Variants in NPHS1 observed in about 807,000 individuals in gnomAD.
The protein encoded by NPHS1 is NPHS1 adhesion molecule, nephrin, also known as nephrin.
A neutral mutation model predicts 139.7 loss-of-function variants in NPHS1; 107 were observed. That is an observed-to-expected ratio of 0.77 (90% CI 0.66 to 0.90). The LOEUF (loss-of-function observed/expected upper bound fraction) is 0.90. Ranked by LOEUF, NPHS1 falls within the 40% of genes least tolerant of loss-of-function variation. The probability of loss-of-function intolerance (pLI) is 0.00; values close to 1 mark genes in which losing one functional copy is unlikely to be tolerated. For synonymous variants in NPHS1, 707 were observed against 706.6 expected (o/e 1.00, Z -0.01); for missense variants, 1,580 against 1,654.2 (o/e 0.96, Z 0.78).
intron 9 of NPHS1, 23 bp from the exon 10 acceptor site, chr19:35,848,420 C>A (rs773004829): frequency 1.2e-6 from 2 of 1,614,072 alleles, no homozygotes; most frequent in Admixed American, 1.7e-5. Flanking sequence ...GAGCTTCAGA[C>A]GTGGGGACTG....
chr19:35,833,737 C>T (rs1972915117), intron 23 of NPHS1, among the ~76,000 whole-genome samples: 3 of 152,036 alleles, frequency 2.0e-5, no homozygotes, highest in Non-Finnish European at 2.9e-5. Context: ...AACTCTGTTG[C>T]CCAGGCTGCA....
At chr19:35,851,217 G>A in intron 3 of NPHS1, 45 bp downstream of exon 3, 2 of 1,613,574 alleles carry the variant, frequency 1.2e-6, no homozygotes, top group Non-Finnish European at 1.7e-6. Flanking sequence ...GTAGGGGAGG[G>A]CTTGAAGCCC....
At chr19:35,836,590 G>A (rs1164997529) in intron 22 of NPHS1, among the ~76,000 whole-genome samples, 3 of 152,108 alleles carry the variant, frequency 2.0e-5, no homozygotes, top group African/African-American at 7.2e-5. Flanking sequence ...AGTGTTCAAA[G>A]GGAAGACTGG....
intron 23 of NPHS1, among the ~76,000 whole-genome samples, chr19:35,832,290 TC>T (rs1235734821): frequency 1.3e-5 from 2 of 152,172 alleles, no homozygotes; most frequent in African/African-American, 4.8e-5. Context: ...ATGCCTGTAA[TC>T]CCAGCATGTT....
Position 35,848,441 on chromosome 19 carries a change from A to G in NPHS1, c.1171-44T>C, listed in dbSNP as rs751550128. 1.4e-5 allele frequency: 23 copies of G among 1,613,308 alleles called. No individual in the cohort carries two copies. In the Admixed American group the frequency reaches 3.5e-4, roughly 25 times the overall value. On this transcript the variant is annotated intron_variant, in intron 9 of 28. Transcript: ENST00000378910. ...CAGACGTGGGGACTGCAGCACCCCT[A>G]TCCATCGTGCTAGAGGCCTGAGTCC...
intron 5 of NPHS1, 42 bp downstream of exon 5, chr19:35,850,322 A>C (rs2146829864): frequency 1.3e-6 from 2 of 1,545,600 alleles, no homozygotes; most frequent in Non-Finnish European, 1.8e-6. Flanking sequence ...CCCATGGGGA[A>C]AATTAGGGGT....
intron 23 of NPHS1, among the ~76,000 whole-genome samples, chr19:35,835,428 T>C (rs1226784102): frequency 2.0e-5 from 3 of 150,248 alleles, no homozygotes; most frequent in Non-Finnish European, 4.4e-5. Context: ...GCCTTCTGAG[T>C]AGTTGGGACT....
At chr19:35,826,878 A>G (rs780444502) in intron 28 of NPHS1, among the ~76,000 whole-genome samples, 2 of 152,238 alleles carry the variant, frequency 1.3e-5, no homozygotes, top group Admixed American at 1.3e-4. Flanking sequence ...GCTCATGCCT[A>G]TAATTCCAGC....
intron 23 of NPHS1, among the ~76,000 whole-genome samples, chr19:35,832,551 A>G (rs1444305079): frequency 2.6e-5 from 4 of 150,962 alleles, no homozygotes; most frequent in Non-Finnish European, 5.9e-5. Flanking sequence ...CTCTGAAAAA[A>G]AAATCCCATC....
At chr19:35,841,146 A>G (rs1973049971) in intron 20 of NPHS1, among the ~76,000 whole-genome samples, 1 of 150,788 alleles carries the variant, frequency 6.6e-6, no homozygotes, top group Admixed American at 6.6e-5. Context: ...TGGGAGGCTG[A>G]GGCGGGCAGA....
intron 4 of NPHS1, among the ~76,000 whole-genome samples, 192 bp downstream of exon 4, chr19:35,850,769 C>T (rs575528656): frequency 8.5e-5 from 13 of 152,290 alleles, no homozygotes; most frequent in African/African-American, 2.9e-4. Flanking sequence ...TGGTTGCTGC[C>T]GCCCTCGATG....
chr19:35,828,327 G>A (rs1025766054), intron 28 of NPHS1, among the ~76,000 whole-genome samples: 10 of 151,756 alleles, frequency 6.6e-5, no homozygotes, highest in Admixed American at 5.3e-4. Flanking sequence ...GTGCAGTGGC[G>A]CAATCTTGGC....
Position 35,831,317 on chromosome 19 carries a change from C to T in NPHS1, c.3366G>A (p.Glu1122=), listed in dbSNP as rs1972878517. Residue 1122 remains glutamate (E), a synonymous_variant, in exon 26 of 29, where the codon GAG becomes GAA. Transcript: ENST00000378910. ...NEYEESQWTG[E]RDTQSSTVST... Reference sequence around the variant, plus strand: ...TTACCGTGGAGCTCTGAGTGTCCCGCTCTCCTGTCCACTGGCTCTCCTCAT... The same window carrying T: ...TTACCGTGGAGCTCTGAGTGTCCCGTTCTCCTGTCCACTGGCTCTCCTCAT... The T allele has an allele frequency of 6.2e-7, 1 of 1,614,108 alleles. No individual in the cohort carries two copies. The highest frequency in any genetic ancestry group is 1.1e-5 in the South Asian group (1 of 91,084).
At chr19:35,851,151 C>A in intron 3 of NPHS1, 62 bp from the exon 4 acceptor site, 4 of 1,613,434 alleles carry the variant, frequency 2.5e-6, no homozygotes, top group South Asian at 1.1e-5. Flanking sequence ...GATTGGAGTT[C>A]GGTACCCAGA....
chr19:35,833,005 C>T (rs1158397568), intron 23 of NPHS1, among the ~76,000 whole-genome samples: 2 of 151,406 alleles, frequency 1.3e-5, no homozygotes, highest in African/African-American at 4.8e-5. Flanking sequence ...CTCCCTCAGC[C>T]TCCCAAGTAG....
Position 35,845,278 on chromosome 19 carries a change from A to G in NPHS1, c.1930+90T>C. 1 of 1,393,030 alleles carries G rather than the reference A, an allele frequency of 7.2e-7. No homozygotes were observed. Among genetic ancestry groups the G allele is most frequent in the South Asian group, 1.2e-5 (1 of 84,518 alleles). The allele number at this position is 1,393,030 out of a possible 1,614,324, so 86.3% of individuals were successfully genotyped here. A position where few individuals can be genotyped will look rare whatever the true frequency, so the allele number is the denominator to read the frequency against. ...AAAAATGAAAGAGAGAGAGAGAGAG[A>G]AGAGAAAAAGAAGGAAAAAAAGGTA... On this transcript the variant is annotated intron_variant, in intron 14 of 28. Coordinates refer to ENST00000378910, the MANE Select transcript of NPHS1 (RefSeq NM_004646.4). This position sits in a 1 kb window ranked among gnomAD's most constrained non-coding sequence, Gnocchi z 5.5.
In NPHS1 at chr19:35,825,686, T is replaced by C. The variant is rs1972792627; in HGVS notation, c.*828A>G. Among the ~76,000 whole-genome samples, 1 of 152,220 alleles carries C rather than the reference T, an allele frequency of 6.6e-6. No individual in the cohort carries two copies. Among genetic ancestry groups the C allele is most frequent in the Non-Finnish European group, 1.5e-5 (1 of 68,044 alleles). On this transcript the variant is annotated 3_prime_UTR_variant, in exon 29 of 29. Transcript: ENST00000378910. ...TTTCCTCTAGCTTCTTTTGATTGTC[T>C]GTTTATTTTAATGCTTATGGAGCAT...
At chr19:35,830,235 G>A (rs1004640283) in intron 28 of NPHS1, among the ~76,000 whole-genome samples, 1 of 152,206 alleles carries the variant, frequency 6.6e-6, no homozygotes, top group Admixed American at 6.5e-5. Flanking sequence ...TCCCACCAGG[G>A]GAGTGAGAGC....
intron 28 of NPHS1, among the ~76,000 whole-genome samples, chr19:35,829,027 G>A (rs556254400): frequency 2.6e-4 from 39 of 152,348 alleles, no homozygotes; most frequent in Non-Finnish European, 5.0e-4. Flanking sequence ...CTCCCTAACT[G>A]TGCAGCAATG....
Sources: allele counts gnomAD v4.1 joint callset (sites outside exome capture counted in the v4.1 genomes callset), GRCh38; gene constraint gnomAD v4.1.1; non-coding constraint Gnocchi (gnomAD v3.1); transcripts MANE v1.5; gene names NCBI Gene and HGNC (gene_info 2026-07-23, HGNC 2026-07-21).